Variants in ALG8 observed in about 807,000 individuals in gnomAD.
The protein encoded by ALG8 is dolichyl pyrophosphate Glc1Man9GlcNAc2 alpha-1,3-glucosyltransferase.
ALG8 carries 48 observed loss-of-function variants against 70.2 expected under a neutral mutation model. That is an observed-to-expected ratio of 0.68 (90% CI 0.54 to 0.87). ALG8 has a LOEUF of 0.87. Among genes scored for constraint, ALG8 ranks in the 40% least tolerant of loss-of-function variants. ALG8 has a pLI of 0.00. For missense variants in ALG8, 572 were observed against 608.7 expected (o/e 0.94, Z 0.64); for synonymous variants, 234 against 229.0 (o/e 1.02, Z -0.20).
At chr11:78,134,106 G>A in intron 1 of ALG8, among the ~76,000 whole-genome samples, 1 of 151,600 alleles carries the variant, frequency 6.6e-6, no homozygotes, top group East Asian at 1.9e-4. Flanking sequence ...AGGTTTATGG[G>A]TGCTGAAGAT....
chr11:78,133,940 C>T (rs1472315091), intron 1 of ALG8, among the ~76,000 whole-genome samples: 2 of 151,610 alleles, frequency 1.3e-5, no homozygotes, highest in Non-Finnish European at 2.9e-5. Context: ...TACTATAAAA[C>T]GTGCAATACT....
In ALG8 at chr11:78,138,036, CA is replaced by C. The variant is rs1269460328; in HGVS notation, c.95+1457del. The stretch of plus-strand genomic sequence containing the variant: ...CGCTATATACATTCTTAACCTGGAC[CA>C]AGAGCAGTATTCAAAATAACAACTC... On this transcript the variant is annotated intron_variant, in intron 1 of 12. Transcript: ENST00000299626. 6.6e-5 allele frequency among the ~76,000 whole-genome samples: 10 copies of C among 152,222 alleles called. No individual in the cohort carries two copies. The East Asian group carries it at 1.5e-3, about 24-fold the overall frequency.
chr11:78,128,487 G>A (rs1368583377), intron 1 of ALG8, among the ~76,000 whole-genome samples: 1 of 152,096 alleles, frequency 6.6e-6, no homozygotes, highest in Admixed American at 6.5e-5. Flanking sequence ...ATTCATCAGG[G>A]ACATGTTGAT....
In ALG8 at chr11:78,106,804, T is replaced by C. The variant is rs753624972; in HGVS notation, c.1178+3A>G. On this transcript the variant is annotated splice_donor_region_variant and intron_variant, in intron 10 of 12. Coordinates refer to ENST00000299626, the MANE Select transcript of ALG8 (RefSeq NM_024079.5). ...ATGCTCACTGGCTGAGCTATCTGCTTACCTCATTGGGAGAATTGCTAGAAG... is the reference window on the plus strand; with the variant it reads ...ATGCTCACTGGCTGAGCTATCTGCTCACCTCATTGGGAGAATTGCTAGAAG... 16 of 1,613,976 alleles carry C rather than the reference T, an allele frequency of 9.9e-6. No individual in the cohort carries two copies. The highest frequency in any genetic ancestry group is 1.3e-5 in the Non-Finnish European group (15 of 1,179,934).
chr11:78,127,392 G>A lies in ALG8; in HGVS notation c.140C>T (p.Thr47Ile). The A allele has an allele frequency of 6.2e-7, 1 of 1,613,840 alleles. No homozygotes were observed. The highest frequency in any genetic ancestry group is 8.5e-7 in the Non-Finnish European group (1 of 1,179,930). The stretch of plus-strand genomic sequence containing the variant: ...CCACTGTGATATTGGCAAACTGTGA[G>A]TGATAGCAAGCCAGTTTCGGTGTAC... Reference protein sequence around the residue: ...FEVHRNWLAITHSLPISQWYY... With the variant: ...FEVHRNWLAIIHSLPISQWYY... Residue 47 changes from threonine (T) to isoleucine (I), a missense_variant, in exon 2 of 13, where the codon ACT becomes ATT. Coordinates refer to ENST00000299626, the MANE Select transcript of ALG8 (RefSeq NM_024079.5).
intron 5 of ALG8, among the ~76,000 whole-genome samples, chr11:78,117,965 G>C (rs565710959): frequency 9.2e-5 from 14 of 151,712 alleles, no homozygotes; most frequent in Non-Finnish European, 2.1e-4. Context: ...CAGCTACTCG[G>C]GAGGCTGAGG....
At chr11:78,120,889 A>G (rs570529049) in intron 4 of ALG8, among the ~76,000 whole-genome samples, 176 bp downstream of exon 4, 6 of 152,316 alleles carry the variant, frequency 3.9e-5, no homozygotes, top group Admixed American at 2.0e-4. Flanking sequence ...GAAATACTCT[A>G]ACCTCAGAGT....
intron 1 of ALG8, among the ~76,000 whole-genome samples, chr11:78,138,324 G>A (rs549949299): frequency 1.3e-5 from 2 of 150,832 alleles, no homozygotes; most frequent in African/African-American, 4.9e-5. Context: ...ACTCCAGCCT[G>A]GGTGACAGAG....
intron 10 of ALG8, among the ~76,000 whole-genome samples, chr11:78,106,033 C>T (rs1590805760): frequency 6.6e-6 from 1 of 152,000 alleles, no homozygotes; most frequent in Non-Finnish European, 1.5e-5. Flanking sequence ...TATTGTGAGG[C>T]GCAAAAGAAA....
intron 12 of ALG8, among the ~76,000 whole-genome samples, chr11:78,102,328 T>C (rs961292091): frequency 6.6e-6 from 1 of 152,232 alleles, no homozygotes; most frequent in Non-Finnish European, 1.5e-5. Context: ...ATTTGTTCTA[T>C]TCTCTCGTTT....
chr11:78,104,625 G>T, intron 10 of ALG8, 172 bp from the exon 11 acceptor site: 1 of 602,524 alleles, frequency 1.7e-6, no homozygotes, highest in Non-Finnish European at 2.9e-6. Context: ...GAAATTTTAA[G>T]CAATCAATAG....
Position 78,113,816 on chromosome 11 carries a change from G to A in ALG8, c.777+70C>T, listed in dbSNP as rs1738466247. The stretch of plus-strand genomic sequence containing the variant: ...CTTTTACTTATTTTACATATTCCTG[G>A]CTTTATTAGGTTTTCTAAACACCAA... On this transcript the variant is annotated intron_variant, in intron 7 of 12. Transcript: ENST00000299626. 2.4e-6 allele frequency: 3 copies of A among 1,241,870 alleles called. No individual in the cohort carries two copies. In the East Asian group the frequency reaches 7.8e-5, roughly 32 times the overall value. The allele number at this position is 1,241,870 out of a possible 1,614,324, so 76.9% of individuals were successfully genotyped here.
At chr11:78,113,734 A>G (rs997043439) in intron 7 of ALG8, 152 bp downstream of exon 7, 11 of 618,858 alleles carry the variant, frequency 1.8e-5, no homozygotes, top group African/African-American at 1.5e-4. Flanking sequence ...AAAAAAAAAA[A>G]GGAATACTGC....
At chr11:78,105,754 G>A (rs918114491) in intron 10 of ALG8, among the ~76,000 whole-genome samples, 4 of 150,742 alleles carry the variant, frequency 2.7e-5, no homozygotes, top group Non-Finnish European at 5.9e-5. Flanking sequence ...ATTGCCCCAG[G>A]CTGGAGTGCA....
At chr11:78,134,210 T>C (rs146140074) in intron 1 of ALG8, among the ~76,000 whole-genome samples, 2,016 of 151,758 alleles carry the variant, frequency 0.013, 52 homozygotes, top group African/African-American at 0.045. Flanking sequence ...TGATCTTGGC[T>C]CACTACAACC....
At chr11:78,124,825 G>C (rs181476874) in intron 2 of ALG8, among the ~76,000 whole-genome samples, 2 of 152,154 alleles carry the variant, frequency 1.3e-5, no homozygotes, top group East Asian at 3.9e-4. Flanking sequence ...ATTATATTTT[G>C]TTTCAGTAAG....
Position 78,112,436 on chromosome 11 carries a change from T to C in ALG8, c.898+214A>G, listed in dbSNP as rs575492552. On this transcript the variant is annotated intron_variant, in intron 8 of 12. Coordinates refer to ENST00000299626, the MANE Select transcript of ALG8 (RefSeq NM_024079.5). ...CCCAGGAAAGGATCAATAACCTCAT[T>C]ACCACAAGGAGCTTTTATAAGGAAA... is the stretch of plus-strand genomic sequence containing the variant. The C allele has an allele frequency of 1.1e-5, 6 of 552,056 alleles. No homozygotes were observed. The Admixed American group carries it at 1.2e-4, about 11-fold the overall frequency. 34.2% of individuals were successfully genotyped at this position (552,056 alleles called of 1,614,324 possible).
chr11:78,104,139 G>T, intron 11 of ALG8, 87 bp from the exon 12 acceptor site: 1 of 920,260 alleles, frequency 1.1e-6, no homozygotes, highest in Non-Finnish European at 1.7e-6. Flanking sequence ...CACTGACACA[G>T]CTATATAGTG....
At position 78,139,618 on chromosome 11, in the gene ALG8, T is replaced by G. The variant is rs1325881694; in HGVS notation, c.-30A>C. 1.9e-6 allele frequency: 3 copies of G among 1,547,250 alleles called. No individual in the cohort carries two copies. The highest frequency in any genetic ancestry group is 2.6e-6 in the Non-Finnish European group (3 of 1,143,374). On this transcript the variant is annotated 5_prime_UTR_variant, in exon 1 of 13. Coordinates refer to ENST00000299626, the MANE Select transcript of ALG8 (RefSeq NM_024079.5). Reference sequence around the variant, plus strand: ...GCGGCACCGCACGCTTCCCACCAACTTGATCCACATCCGGGATCCCGCGCA... The same window carrying G: ...GCGGCACCGCACGCTTCCCACCAACGTGATCCACATCCGGGATCCCGCGCA...
Sources: allele counts gnomAD v4.1 joint callset (sites outside exome capture counted in the v4.1 genomes callset), GRCh38; gene constraint gnomAD v4.1.1; transcripts MANE v1.5; gene names NCBI Gene and HGNC (gene_info 2026-07-23, HGNC 2026-07-21).